CNTN3: variants seen among roughly 807,000 people sequenced by gnomAD.
The protein encoded by CNTN3 is contactin-3.
CNTN3 carries 60 observed loss-of-function variants against 119.1 expected under a neutral mutation model. The ratio of observed to expected loss-of-function variants is 0.50; its 90% CI spans 0.41 to 0.62. The LOEUF (loss-of-function observed/expected upper bound fraction) is 0.62. CNTN3 is among the 20% of genes least tolerant of loss of function. CNTN3 has a pLI of 0.00. For missense variants in CNTN3, 1,101 were observed against 1,242.4 expected (o/e 0.89, Z 1.71); for synonymous variants, 450 against 438.7 (o/e 1.03, Z -0.32).
chr3:74,447,961 A>G (rs1368348202), intron 4 of CNTN3, among the ~76,000 whole-genome samples: 2 of 152,180 alleles, frequency 1.3e-5, no homozygotes, highest in African/African-American at 4.8e-5. Context: ...GCCCAGCTTA[A>G]AATTGGATGA....
chr3:74,288,437 G>A (rs2106789311), intron 19 of CNTN3, among the ~76,000 whole-genome samples: 1 of 152,154 alleles, frequency 6.6e-6, no homozygotes, highest in African/African-American at 2.4e-5. Context: ...GGGATTACAG[G>A]TGTGAGCCAC....
intron 1 of CNTN3, among the ~76,000 whole-genome samples, chr3:74,532,714 C>G (rs887350820): frequency 6.6e-6 from 1 of 151,932 alleles, no homozygotes; most frequent in Non-Finnish European, 1.5e-5. Context: ...GGAATGCAAT[C>G]TAAAACTTAT....
rs138270027 is a variant in CNTN3 at position 74,329,959 on chromosome 3, G to C, written c.1668+4776C>G. On this transcript the variant is annotated intron_variant, in intron 13 of 22. Coordinates refer to ENST00000263665, the MANE Select transcript of CNTN3 (RefSeq NM_020872.3). ...GAGAGAAAACTGTGTTCCAGGAAGA[G>C]ATCTCATGGCAGGAGAGAATGGGAT... Among the ~76,000 whole-genome samples, 12 of 152,324 alleles carry C rather than the reference G, an allele frequency of 7.9e-5. No homozygotes were observed. The East Asian group carries it at 2.3e-3, about 29-fold the overall frequency.
intron 13 of CNTN3, among the ~76,000 whole-genome samples, chr3:74,332,687 C>T (rs1257535708): frequency 6.6e-6 from 1 of 152,186 alleles, no homozygotes; most frequent in Non-Finnish European, 1.5e-5. Context: ...ATTTATTTAG[C>T]AGTAGCTAAG....
chr3:74,379,973 C>T (rs993660001), intron 5 of CNTN3, among the ~76,000 whole-genome samples: 2 of 152,184 alleles, frequency 1.3e-5, no homozygotes, highest in African/African-American at 4.8e-5. Context: ...AGACAATTCC[C>T]TCATGCCACA....
intron 1 of CNTN3, among the ~76,000 whole-genome samples, chr3:74,582,692 AG>A (rs1704532166): frequency 6.6e-6 from 1 of 152,160 alleles, no homozygotes; most frequent in Admixed American, 6.6e-5. Context: ...ATGTTAGCAA[AG>A]AAAGTAGTAA....
At chr3:74,356,961 T>C (rs1349833164) in intron 11 of CNTN3, among the ~76,000 whole-genome samples, 3 of 152,164 alleles carry the variant, frequency 2.0e-5, no homozygotes, top group Non-Finnish European at 4.4e-5. Context: ...TCTCGCTCTG[T>C]CGCCCAGGCT....
At chr3:74,512,830 G>A (rs1703392257) in intron 2 of CNTN3, among the ~76,000 whole-genome samples, 1 of 151,640 alleles carries the variant, frequency 6.6e-6, no homozygotes, top group South Asian at 2.1e-4. Flanking sequence ...AACAGTCAAT[G>A]CTTCATAATT....
chr3:74,440,068 A>G lies in CNTN3; in HGVS notation c.359-15128T>C, dbSNP rs538986456. 1.1e-4 allele frequency among the ~76,000 whole-genome samples: 16 copies of G among 152,328 alleles called. No homozygotes were observed. The South Asian group carries it at 3.3e-3, about 32-fold the overall frequency. On this transcript the variant is annotated intron_variant, in intron 4 of 22. Coordinates refer to ENST00000263665, the MANE Select transcript of CNTN3 (RefSeq NM_020872.3). ...GTATATGACAACACCATATTTGGGT[A>G]TAACTGGCTTCCATTAGTTATCACT...
chr3:74,290,312 C>T (rs1702199927), intron 19 of CNTN3, among the ~76,000 whole-genome samples: 1 of 152,140 alleles, frequency 6.6e-6, no homozygotes, highest in African/African-American at 2.4e-5. Context: ...CACAATTGTA[C>T]ATTTTTGTAT....
intron 4 of CNTN3, among the ~76,000 whole-genome samples, chr3:74,428,777 C>T (rs926808012): frequency 6.6e-6 from 1 of 152,154 alleles, no homozygotes; most frequent in African/African-American, 2.4e-5. Flanking sequence ...CACCAGTTCA[C>T]CCACAACAGC....
chr3:74,395,014 ATAAAT>A (rs758886885), intron 5 of CNTN3, among the ~76,000 whole-genome samples: 75 of 152,302 alleles, frequency 4.9e-4, no homozygotes, highest in Non-Finnish European at 6.8e-4. Context: ...TGCAAATAAT[ATAAAT>A]TAATCTAATG....
At chr3:74,401,194 T>C (rs1416740717) in intron 5 of CNTN3, among the ~76,000 whole-genome samples, 2 of 152,162 alleles carry the variant, frequency 1.3e-5, no homozygotes, top group Admixed American at 1.3e-4. Context: ...TAATGCATTC[T>C]AGTTCCACAG....
intron 1 of CNTN3, among the ~76,000 whole-genome samples, chr3:74,562,655 T>C (rs1704169917): frequency 6.6e-6 from 1 of 152,140 alleles, no homozygotes; most frequent in South Asian, 2.1e-4. Context: ...CAGTTTCTCC[T>C]CCTCTGCTAC....
chr3:74,609,063 G>C (rs965367985), intron 1 of CNTN3, among the ~76,000 whole-genome samples: 3 of 152,168 alleles, frequency 2.0e-5, no homozygotes, highest in African/African-American at 7.2e-5. Flanking sequence ...ACGGGAATAA[G>C]GAGAGTGGAG....
At chr3:74,426,233 T>C (rs1701693370) in intron 4 of CNTN3, among the ~76,000 whole-genome samples, 1 of 152,166 alleles carries the variant, frequency 6.6e-6, no homozygotes, top group Non-Finnish European at 1.5e-5. Flanking sequence ...CTGTGAAGAA[T>C]TACACCGTTA....
chr3:74,302,696 C>T lies in CNTN3; in HGVS notation c.1780G>A (p.Val594Ile). The T allele has an allele frequency of 6.3e-7, 1 of 1,596,216 alleles. No individual in the cohort carries two copies. Among genetic ancestry groups the T allele is most frequent in the Non-Finnish European group, 8.6e-7 (1 of 1,164,352 alleles). ...DSVSSAADLI[V>I]RGSPGPPENV... ...GGGGGCATAAATGTTTTACCTCTTA[C>T]TATGAGGTCAGCAGCAGATGAAACA... Residue 594 changes from valine (V) to isoleucine (I), a missense_variant, in exon 14 of 23, where the codon GTA (valine) becomes ATA (isoleucine). Val to Ile is a conservative substitution (Grantham distance 29). Coordinates refer to ENST00000263665, the MANE Select transcript of CNTN3 (RefSeq NM_020872.3).
intron 4 of CNTN3, among the ~76,000 whole-genome samples, chr3:74,464,061 C>A (rs979379357): frequency 6.6e-6 from 1 of 151,944 alleles, no homozygotes; most frequent in Non-Finnish European, 1.5e-5. Context: ...TCAACAGAGT[C>A]AAAAATCTAT....
At chr3:74,398,661 T>A (rs1023141326) in intron 5 of CNTN3, among the ~76,000 whole-genome samples, 20 of 152,216 alleles carry the variant, frequency 1.3e-4, no homozygotes, top group African/African-American at 4.6e-4. Flanking sequence ...TAGATCAACT[T>A]TTAAAATGTG....
Sources: allele counts gnomAD v4.1 joint callset (sites outside exome capture counted in the v4.1 genomes callset), GRCh38; gene constraint gnomAD v4.1.1; transcripts MANE v1.5; gene names NCBI Gene and HGNC (gene_info 2026-07-23, HGNC 2026-07-21).